SLC66A2: variants seen among roughly 807,000 people sequenced by gnomAD.
SLC66A2 encodes the protein PQ loop repeat containing 1.
Under a neutral mutation model 25.5 loss-of-function variants are expected in SLC66A2, and 23 were observed. The ratio of observed to expected loss-of-function variants is 0.90; its 90% CI spans 0.65 to 1.28. SLC66A2 has a LOEUF of 1.28. SLC66A2 is among the 50% of genes most tolerant of loss of function. The probability of loss-of-function intolerance (pLI) is 0.00; values close to 1 mark genes in which losing one functional copy is unlikely to be tolerated. For synonymous variants in SLC66A2, 193 were observed against 166.5 expected (o/e 1.16, Z -1.23); for missense variants, 396 against 373.1 (o/e 1.06, Z -0.51).
Position 79,903,775 on chromosome 18 carries a change from TC to T in SLC66A2, c.*200del. 1 of 555,468 alleles carries T rather than the reference TC, an allele frequency of 1.8e-6. No homozygotes were observed. 34.4% of individuals were successfully genotyped at this position (555,468 alleles called of 1,614,324 possible). On this transcript the variant is annotated 3_prime_UTR_variant, in exon 6 of 6. Coordinates refer to ENST00000397778, the MANE Select transcript of SLC66A2 (RefSeq NM_025078.5). ...CTCGGGGCCAGATCAACCCTGGCTG[TC>T]CCCGCTGAGCACAAACAGCGTCCCA...
In SLC66A2 at chr18:79,903,284, G is replaced by C. The variant is rs1244733779; in HGVS notation, c.*692C>G. ...CCCCAAGGACTCGAGGAGAACCAGA[G>C]GCTGACAAGAGCAGCATGAGCTAGC... On this transcript the variant is annotated 3_prime_UTR_variant, in exon 6 of 6. Coordinates refer to ENST00000397778, the MANE Select transcript of SLC66A2 (RefSeq NM_025078.5). 6.6e-6 allele frequency: 1 copy of C among 152,390 alleles called. No homozygotes were observed. The highest frequency in any genetic ancestry group is 6.5e-5 in the Admixed American group (1 of 15,294). 9.4% of individuals were successfully genotyped at this position (152,390 alleles called of 1,614,324 possible).
At chr18:79,936,850 T>C (rs991365332) in intron 3 of SLC66A2, among the ~76,000 whole-genome samples, 1 of 152,168 alleles carries the variant, frequency 6.6e-6, no homozygotes, top group Non-Finnish European at 1.5e-5. Context: ...ATCCTGAGCA[T>C]ATAAACCTCC....
chr18:79,927,218 G>T lies in SLC66A2; in HGVS notation c.391+6751C>A, dbSNP rs1986059651. Among the ~76,000 whole-genome samples, 2 of 152,178 alleles carry T rather than the reference G, an allele frequency of 1.3e-5. No homozygotes were observed. Among genetic ancestry groups the T allele is most frequent in the African/African-American group, 4.8e-5 (2 of 41,434 alleles). ...ACCTGGGAGGGAACAAACAGGCACT[G>T]CCCAGACCCGGAGCTGCAGGCAGGG... On this transcript the variant is annotated intron_variant, in intron 4 of 5. Transcript: ENST00000397778. This position sits in a 1 kb window ranked among gnomAD's most constrained non-coding sequence, Gnocchi z 6.2.
intron 4 of SLC66A2, among the ~76,000 whole-genome samples, chr18:79,924,654 A>G (rs2144819103): frequency 6.6e-6 from 1 of 152,354 alleles, no homozygotes; most frequent in South Asian, 2.1e-4. Context: ...GCATAACGAA[A>G]TAGAAAATTT....
intron 2 of SLC66A2, chr18:79,945,377 C>G (rs1163545993): frequency 2.0e-5 from 3 of 152,460 alleles, no homozygotes; most frequent in African/African-American, 7.2e-5. Flanking sequence ...GGGGGCCAGA[C>G]AGGCAAGCAG....
Position 79,927,835 on chromosome 18 carries a change from G to C in SLC66A2, c.391+6134C>G, listed in dbSNP as rs1362353844. ...GACAGGTGTCCGCGTCCCAACCCAA[G>C]GCTGCCCAGACAGACAAGCGCTCAC... On this transcript the variant is annotated intron_variant, in intron 4 of 5. Transcript: ENST00000397778. This position sits in a 1 kb window ranked among gnomAD's most constrained non-coding sequence, Gnocchi z 6.2. Among the ~76,000 whole-genome samples the C allele has an allele frequency of 6.6e-6, 1 of 152,190 alleles. No homozygotes were observed. The highest frequency in any genetic ancestry group is 1.5e-5 in the Non-Finnish European group (1 of 68,026).
At chr18:79,931,320 C>T (rs1226081816) in intron 4 of SLC66A2, among the ~76,000 whole-genome samples, 1 of 151,992 alleles carries the variant, frequency 6.6e-6, no homozygotes, top group Non-Finnish European at 1.5e-5. Context: ...ACAGAAGACT[C>T]ATTTTAAATT....
chr18:79,951,134 A>C (rs2051109438), intron 1 of SLC66A2, 109 bp from the exon 2 acceptor site: 2 of 258,462 alleles, frequency 7.7e-6, no homozygotes, highest in Non-Finnish European at 7.2e-6. Flanking sequence ...AGCGGGGGCG[A>C]CCGGGGCCCG....
chr18:79,941,207 G>T lies in SLC66A2; in HGVS notation c.337+2122C>A, dbSNP rs983932076. Among the ~76,000 whole-genome samples, 2 of 152,228 alleles carry T rather than the reference G, an allele frequency of 1.3e-5. No homozygotes were observed. Among genetic ancestry groups the T allele is most frequent in the African/African-American group, 4.8e-5 (2 of 41,446 alleles). Reference sequence around the variant, plus strand: ...TACAGGCAGAACTCAGCTCCCCGTGGTCGGGGGCTCTGCTGCCTGTAAAGC... The same window carrying T: ...TACAGGCAGAACTCAGCTCCCCGTGTTCGGGGGCTCTGCTGCCTGTAAAGC... On this transcript the variant is annotated intron_variant, in intron 3 of 5. Transcript: ENST00000397778. The surrounding 1 kb of genome is among the most constrained non-coding windows in gnomAD (Gnocchi z 4.1).
In SLC66A2 at chr18:79,917,245, G is replaced by A. The variant is rs185564680; in HGVS notation, c.608+1939C>T. Among the ~76,000 whole-genome samples, 79 of 152,348 alleles carry A rather than the reference G, an allele frequency of 5.2e-4. 1 individual carries two copies. In the East Asian group the frequency reaches 8.3e-3, roughly 16 times the overall value. On this transcript the variant is annotated intron_variant, in intron 5 of 5. Coordinates refer to ENST00000397778, the MANE Select transcript of SLC66A2 (RefSeq NM_025078.5). This position sits in a 1 kb window ranked among gnomAD's most constrained non-coding sequence, Gnocchi z 6.0. ...GGATTCCCACGTCCCCCCAGCTGACGGGGCAGCCCCTGGGCTGAGACCTTG... is the reference window on the plus strand; with the variant it reads ...GGATTCCCACGTCCCCCCAGCTGACAGGGCAGCCCCTGGGCTGAGACCTTG...
Position 79,918,817 on chromosome 18 carries a change from T to C in SLC66A2, c.608+367A>G, listed in dbSNP as rs1057290241. Among the ~76,000 whole-genome samples, 2 of 152,170 alleles carry C rather than the reference T, an allele frequency of 1.3e-5. No individual in the cohort carries two copies. Among genetic ancestry groups the C allele is most frequent in the Non-Finnish European group, 2.9e-5 (2 of 68,020 alleles). ...TGTCCAAGGCAGCCCCCAGACCACC[T>C]TCCCTGCCCCACCAGACCCGCCCTG... is the stretch of plus-strand genomic sequence containing the variant. On this transcript the variant is annotated intron_variant, in intron 5 of 5. Transcript: ENST00000397778. This position sits in a 1 kb window ranked among gnomAD's most constrained non-coding sequence, Gnocchi z 4.0.
rs1302429254 is a variant in SLC66A2, at chr18:79,941,669, G to C, written c.337+1660C>G. 1 of 152,174 alleles carries C rather than the reference G, an allele frequency of 6.6e-6. No individual in the cohort carries two copies. Among genetic ancestry groups the C allele is most frequent in the Admixed American group, 6.5e-5 (1 of 15,278 alleles). The allele number at this position is 152,174 out of a possible 1,614,324, so 9.4% of individuals were successfully genotyped here. ...AAATGAATGCAGGTGGGGAGCTTAC[G>C]ATGCCGCTTCTAGGGGTATCCCAGT... On this transcript the variant is annotated intron_variant, in intron 3 of 5. Transcript: ENST00000397778. This position sits in a 1 kb window ranked among gnomAD's most constrained non-coding sequence, Gnocchi z 4.1.
Position 79,904,016 on chromosome 18 carries a change from G to A in SLC66A2, c.776C>T (p.Ala259Val), listed in dbSNP as rs371842921. 51 of 1,606,028 alleles carry A rather than the reference G, an allele frequency of 3.2e-5. No individual in the cohort carries two copies. Among genetic ancestry groups the A allele is most frequent in the Middle Eastern group, 3.8e-4 (2 of 5,330 alleles). The part of the protein sequence containing the change: ...YAFARHPQKP[A>V]PHAVHPTGTK... ...GCCAGTGGGGTGCACGGCGTGGGGC[G>A]CCGGCTTCTGGGGGTGGCGGGCGAA... Residue 259 changes from alanine (A) to valine (V), a missense_variant, in exon 6 of 6, where the codon GCG becomes GTG. By Grantham distance (64) the Ala-to-Val change is moderately conservative. Transcript: ENST00000397778. The surrounding 1 kb of genome is among the most constrained non-coding windows in gnomAD (Gnocchi z 6.3).
In SLC66A2 at chr18:79,942,360, G is replaced by T. The variant is rs75515137; in HGVS notation, c.337+969C>A. 1.1e-4 allele frequency among the ~76,000 whole-genome samples: 16 copies of T among 152,304 alleles called. No individual in the cohort carries two copies. The East Asian group carries it at 3.1e-3, about 29-fold the overall frequency. On this transcript the variant is annotated intron_variant, in intron 3 of 5. Coordinates refer to ENST00000397778, the MANE Select transcript of SLC66A2 (RefSeq NM_025078.5). Reference sequence around the variant, plus strand: ...CCCAGGTCACACTGGCTGGAGGCTGGTCTGGTTTCTACAGAGGCTGAAAGC... The same window carrying T: ...CCCAGGTCACACTGGCTGGAGGCTGTTCTGGTTTCTACAGAGGCTGAAAGC...
intron 4 of SLC66A2, 117 bp downstream of exon 4, chr18:79,933,852 G>T: frequency 2.3e-6 from 2 of 869,090 alleles, no homozygotes; most frequent in Non-Finnish European, 1.9e-6. Flanking sequence ...ACTCGGCCAC[G>T]CTTGGTAAAG....
intron 5 of SLC66A2, among the ~76,000 whole-genome samples, chr18:79,905,497 G>A (rs1981985936): frequency 6.6e-6 from 1 of 152,248 alleles, no homozygotes; most frequent in Admixed American, 6.5e-5. Flanking sequence ...GGGCTGCACA[G>A]CTGACTTGGG....
Position 79,941,942 on chromosome 18 carries a change from C to T in SLC66A2, c.337+1387G>A, listed in dbSNP as rs1323896251. ...CGCACTGGGCATCTTAGGCACAAAC[C>T]GTTCTCTCGGCCAGCCGGCCCTCCC... On this transcript the variant is annotated intron_variant, in intron 3 of 5. Transcript: ENST00000397778. This position sits in a 1 kb window ranked among gnomAD's most constrained non-coding sequence, Gnocchi z 4.1. Among the ~76,000 whole-genome samples the T allele has an allele frequency of 1.3e-5, 2 of 152,216 alleles. No individual in the cohort carries two copies. The highest frequency in any genetic ancestry group is 6.5e-5 in the Admixed American group (1 of 15,286).
At position 79,919,354 on chromosome 18, in the gene SLC66A2, G is replaced by A. The variant is rs570486466; in HGVS notation, c.438C>T (p.Tyr146=). The part of the protein sequence containing the change: ...HFWQWSSFSD[Y]VQCVLAFTGV... Reference sequence around the variant, plus strand: ...CCGTGAAGGCCAGGACGCACTGCACGTAGTCCGAGAAGCTGCTCCACTGCC... The same window carrying A: ...CCGTGAAGGCCAGGACGCACTGCACATAGTCCGAGAAGCTGCTCCACTGCC... Residue 146 remains tyrosine, a synonymous_variant, in exon 5 of 6, where the codon TAC becomes TAT. Transcript: ENST00000397778. The A allele has an allele frequency of 2.1e-5, 34 of 1,613,294 alleles. No homozygotes were observed. Among genetic ancestry groups the A allele is most frequent in the East Asian group, 1.3e-4 (6 of 44,890 alleles).
At chr18:79,950,071 C>T (rs761673726) in intron 2 of SLC66A2, among the ~76,000 whole-genome samples, 19 of 152,070 alleles carry the variant, frequency 1.2e-4, no homozygotes, top group Non-Finnish European at 2.1e-4. Context: ...GGCCAGGCGC[C>T]GTGGCTCAGC....
Sources: gnomAD v4.1 joint callset for allele counts (sites outside exome capture counted in the v4.1 genomes callset) on GRCh38, gnomAD v4.1.1 for gene constraint, Gnocchi (gnomAD v3.1) non-coding constraint, MANE v1.5 for transcripts, NCBI Gene and HGNC (gene_info 2026-07-23, HGNC 2026-07-21) for gene names.